The following ARHGAP6 variants were observed in gnomAD, a reference collection of about 807,000 sequenced individuals.
The protein encoded by ARHGAP6 is Rho GTPase activating protein 6.
A neutral mutation model predicts 55.7 loss-of-function variants in ARHGAP6; 16 were observed. The ratio of observed to expected loss-of-function variants is 0.29; its 90% CI spans 0.19 to 0.44. The LOEUF (loss-of-function observed/expected upper bound fraction) is 0.44, where lower values mean the gene tolerates loss of function less well. Among genes scored for constraint, ARHGAP6 ranks in the 20% least tolerant of loss-of-function variants. The pLI is 1.00. For missense variants in ARHGAP6, 698 were observed against 808.9 expected (o/e 0.86, Z 1.66); for synonymous variants, 382 against 360.9 (o/e 1.06, Z -0.66).
At chrX:11,186,744 T>C (rs1402673396) in intron 4 of ARHGAP6, among the ~76,000 whole-genome samples, 1 of 111,882 alleles carries the variant, frequency 8.9e-6, no homozygotes, top group Non-Finnish European at 1.9e-5. Context: ...ACTTCATTTC[T>C]TGAAACAAGA....
At position 11,151,358 on chromosome X, in the gene ARHGAP6, G is replaced by A. The variant is rs780197570; in HGVS notation, c.1907+5171C>T. Reference sequence around the variant, plus strand: ...TGGCTCACTGCAGCCACAAAACCCCGGGCTCAGGTGATCCTCCTGCCTCAT... The same window carrying A: ...TGGCTCACTGCAGCCACAAAACCCCAGGCTCAGGTGATCCTCCTGCCTCAT... On this transcript the variant is annotated intron_variant, in intron 10 of 12. Transcript: ENST00000337414. 2.6e-4 allele frequency among the ~76,000 whole-genome samples: 28 copies of A among 108,935 alleles called. 1 individual carries two copies. The highest frequency in any genetic ancestry group is 4.6e-4 in the Non-Finnish European group (24 of 52,473). 94.6% of individuals were successfully genotyped at this position (108,935 alleles called of 115,157 possible).
intron 1 of ARHGAP6, among the ~76,000 whole-genome samples, chrX:11,460,064 T>C (rs981963206): frequency 2.7e-5 from 3 of 111,791 alleles, no homozygotes; most frequent in East Asian, 5.6e-4. Context: ...GGGAATATGA[T>C]GGAACAGTCT....
At chrX:11,640,246 C>G (rs1162081567) in intron 1 of ARHGAP6, among the ~76,000 whole-genome samples, 1 of 111,705 alleles carries the variant, frequency 9.0e-6, no homozygotes, top group South Asian at 3.7e-4. Context: ...ATTCAATGTC[C>G]ATTGCTCAAG....
intron 1 of ARHGAP6, among the ~76,000 whole-genome samples, chrX:11,599,637 G>A (rs767071168): frequency 1.4e-4 from 16 of 111,747 alleles, no homozygotes; most frequent in Non-Finnish European, 2.8e-4. Context: ...ACAGGGAAAT[G>A]GAGAGATGTT....
intron 10 of ARHGAP6, among the ~76,000 whole-genome samples, chrX:11,152,230 C>G (rs1017783746): frequency 3.6e-5 from 4 of 112,017 alleles, no homozygotes; most frequent in Non-Finnish European, 7.5e-5. Context: ...GGAATTGAAA[C>G]GTAGGCAATC....
rs185997659 is a variant in ARHGAP6 at position 11,484,143 on chromosome X, A to G, written c.588+180098T>C. Among the ~76,000 whole-genome samples the G allele has an allele frequency of 2.4e-3, 273 of 111,749 alleles. 1 individual carries two copies. The highest frequency in any genetic ancestry group is 0.01 in the South Asian group (28 of 2,690). On this transcript the variant is annotated intron_variant, in intron 1 of 12. Transcript: ENST00000337414. ...GAAGCTTAATGTTTTGTTATTTAAT[A>G]GTATTTGGGTTGTATCCTAAAAGTC...
At chrX:11,440,067 G>T (rs1381603904) in intron 1 of ARHGAP6, among the ~76,000 whole-genome samples, 2 of 112,210 alleles carry the variant, frequency 1.8e-5, no homozygotes, top group Non-Finnish European at 3.8e-5. Context: ...ATCTGTCCTG[G>T]ATTCAATTAC....
At chrX:11,629,167 C>T (rs921717601) in intron 1 of ARHGAP6, among the ~76,000 whole-genome samples, 1 of 112,105 alleles carries the variant, frequency 8.9e-6, no homozygotes, top group African/African-American at 3.2e-5. Context: ...CTTCATCTGC[C>T]ATTACCTTTA....
chrX:11,172,765 T>C (rs190747360), intron 8 of ARHGAP6, among the ~76,000 whole-genome samples: 1 of 111,497 alleles, frequency 9.0e-6, no homozygotes, highest in East Asian at 2.8e-4. Flanking sequence ...ACATCCACCT[T>C]TTCTCCATGT....
At chrX:11,210,991 TGA>T (rs772208212) in intron 2 of ARHGAP6, among the ~76,000 whole-genome samples, 1 of 111,946 alleles carries the variant, frequency 8.9e-6, no homozygotes, top group Non-Finnish European at 1.9e-5. Context: ...GGAATGAGAT[TGA>T]GAGTGTTGAT....
chrX:11,427,483 G>T lies in ARHGAP6; in HGVS notation c.589-172776C>A. 2.2e-5 allele frequency: 20 copies of T among 925,514 alleles called. No individual in the cohort carries two copies. In the South Asian group the frequency reaches 4.5e-4, roughly 21 times the overall value. The allele number at this position is 925,514 out of a possible 1,213,427, so 76.3% of individuals were successfully genotyped here. ...GGAGCCCCGACTACCATCGCCCCTC[G>T]CAGTCCCCACCCGGAGCGGCCCAGT... On this transcript the variant is annotated intron_variant, in intron 1 of 12. Coordinates refer to ENST00000337414, the MANE Select transcript of ARHGAP6 (RefSeq NM_013427.3).
chrX:11,411,207 AT>A (rs1371431234), intron 1 of ARHGAP6, among the ~76,000 whole-genome samples: 13 of 82,407 alleles, frequency 1.6e-4, no homozygotes, highest in African/African-American at 5.9e-4. Flanking sequence ...ATATATATAT[AT>A]ATATATATAT....
intron 1 of ARHGAP6, among the ~76,000 whole-genome samples, chrX:11,266,175 T>C (rs1602986724): frequency 9.2e-6 from 1 of 108,544 alleles, no homozygotes; most frequent in African/African-American, 3.4e-5. Flanking sequence ...TGAAGAAATA[T>C]ACTCGAGTTA....
chrX:11,174,635 C>CTTTCTTTCTTTCTTTCTTTCTCTTTCT (rs2046169250), intron 8 of ARHGAP6, among the ~76,000 whole-genome samples: 1 of 45,903 alleles, frequency 2.2e-5, no homozygotes, highest in Non-Finnish European at 3.8e-5. Context: ...TTCTTTCTTT[C>CTTTCTTTCTTTCTTTCTTTCTCTTTCT]TTTCTTTCTT....
chrX:11,141,695 A>G (rs2045620647), intron 12 of ARHGAP6, among the ~76,000 whole-genome samples: 2 of 112,723 alleles, frequency 1.8e-5, no homozygotes, highest in South Asian at 3.7e-4. Flanking sequence ...AGTGGGTCCC[A>G]TACAGCACAG....
At chrX:11,438,055 G>A (rs1019029678) in intron 1 of ARHGAP6, among the ~76,000 whole-genome samples, 19 of 112,232 alleles carry the variant, frequency 1.7e-4, no homozygotes, top group South Asian at 1.5e-3. Flanking sequence ...GGTATGAGTC[G>A]GTCTTTTCGT....
intron 10 of ARHGAP6, among the ~76,000 whole-genome samples, chrX:11,145,684 A>G (rs887530282): frequency 8.9e-6 from 1 of 112,470 alleles, no homozygotes; most frequent in African/African-American, 3.2e-5. Context: ...ACCTACTGAC[A>G]GGACTGGCTA....
intron 1 of ARHGAP6, among the ~76,000 whole-genome samples, chrX:11,453,418 T>G (rs1008115876): frequency 1.9e-5 from 2 of 107,119 alleles, no homozygotes; most frequent in Non-Finnish European, 3.8e-5. Context: ...GTACCTGCCC[T>G]GGCCTCCAAC....
intron 2 of ARHGAP6, among the ~76,000 whole-genome samples, chrX:11,203,294 G>T (rs1363516798): frequency 9.0e-6 from 1 of 111,717 alleles, no homozygotes; most frequent in Non-Finnish European, 1.9e-5. Flanking sequence ...CATAACCCTG[G>T]CTTTACACAA....
Sources: gnomAD v4.1 joint callset for allele counts (sites outside exome capture counted in the v4.1 genomes callset) on GRCh38, gnomAD v4.1.1 for gene constraint, MANE v1.5 for transcripts, NCBI Gene and HGNC (gene_info 2026-07-23, HGNC 2026-07-21) for gene names.